CEP95: variants seen among roughly 807,000 people sequenced by gnomAD.
The protein encoded by CEP95 is centrosomal protein 95.
In CEP95, 98 loss-of-function variants were observed where a neutral mutation model predicts 111.2. The observed-to-expected ratio is 0.88, with a 90% CI of 0.75 to 1.04. The LOEUF (loss-of-function observed/expected upper bound fraction) is 1.04, where lower values mean the gene tolerates loss of function less well. CEP95 is among the 50% of genes least tolerant of loss of function. CEP95 has a pLI of 0.00. For synonymous variants in CEP95, 323 were observed against 327.1 expected (o/e 0.99, Z 0.14); for missense variants, 1,027 against 977.2 (o/e 1.05, Z -0.68).
intron 3 of CEP95, among the ~76,000 whole-genome samples, chr17:64,511,367 G>C (rs925106888): frequency 1.3e-5 from 2 of 152,168 alleles, no homozygotes; most frequent in Non-Finnish European, 2.9e-5. Flanking sequence ...GGCCACGCCC[G>C]GGGGACCGTC....
chr17:64,527,149 G>T lies in CEP95; in HGVS notation c.1191G>T (p.Lys397Asn), dbSNP rs200564391. The change falls in exon 11 of 20, where the codon AAG (lysine) becomes AAT (asparagine). Residue 397 changes from lysine (K) to asparagine (N), a missense_variant. Transcript: ENST00000556440. ...KSALGDRIKE[K>N]TDHKEENTGN... Reference sequence around the variant, plus strand: ...CTCTGGGTGATCGGATTAAAGAAAAGACTGACCATAAAGAAGAAAATACTG... The same window carrying T: ...CTCTGGGTGATCGGATTAAAGAAAATACTGACCATAAAGAAGAAAATACTG... 26 of 1,613,398 alleles carry T rather than the reference G, an allele frequency of 1.6e-5. No homozygotes were observed. Among genetic ancestry groups the T allele is most frequent in the Non-Finnish European group, 2.2e-5 (26 of 1,179,596 alleles).
rs782687267 is a variant in CEP95 at position 64,531,914 on chromosome 17, G to C, written c.1564G>C (p.Val522Leu). 6.3e-7 allele frequency: 1 copy of C among 1,598,978 alleles called. No individual in the cohort carries two copies. Among genetic ancestry groups the C allele is most frequent in the Non-Finnish European group, 8.5e-7 (1 of 1,174,142 alleles). The change falls in exon 14 of 20, where the codon GTT (valine) becomes CTT (leucine). Residue 522 changes from valine to leucine, a missense_variant. Transcript: ENST00000556440. ...GGAAAAAATATACAGAGGAGAAGCTGTTCGTAAAGGAACTCCAGAATGTAG... is the reference window on the plus strand; with the variant it reads ...GGAAAAAATATACAGAGGAGAAGCTCTTCGTAAAGGAACTCCAGAATGTAG... ...ETEKIYRGEA[V>L]RKGTPECSQP...
At chr17:64,526,981 A>T in intron 10 of CEP95, 130 bp from the exon 11 acceptor site, 1 of 637,424 alleles carries the variant, frequency 1.6e-6, no homozygotes, top group Non-Finnish European at 2.7e-6. Context: ...AAATAATTAA[A>T]CATGCATAAG....
In CEP95 at chr17:64,507,110, G is replaced by C. The variant is rs781935947; in HGVS notation, c.13G>C (p.Asp5His). 6.4e-7 allele frequency: 1 copy of C among 1,551,474 alleles called. No individual in the cohort carries two copies. Among genetic ancestry groups the C allele is most frequent in the Non-Finnish European group, 8.7e-7 (1 of 1,146,956 alleles). Residue 5 changes from aspartate to histidine, a missense_variant, in exon 1 of 20, where the codon GAT becomes CAT. Coordinates refer to ENST00000556440, the MANE Select transcript of CEP95 (RefSeq NM_138363.3). ...CTGCCTCTGAAACATGGCAGGCTCG[G>C]ATGCTGGTGAGTGTCTCCCTGGGGT... MAGSDAEWVTIANNL... is the reference protein window; with the variant it reads MAGSHAEWVTIANNL...
At position 64,510,089 on chromosome 17, in the gene CEP95, A is replaced by G. The variant is rs1014575366; in HGVS notation, c.149-84A>G. The G allele has an allele frequency of 4.1e-5, 30 of 736,512 alleles. No homozygotes were observed. The Middle Eastern group carries it at 1.8e-3, about 45-fold the overall frequency. The allele number at this position is 736,512 out of a possible 1,614,324, so 45.6% of individuals were successfully genotyped here. On this transcript the variant is annotated intron_variant, in intron 2 of 19. Transcript: ENST00000556440. ...GGCAGAGCCTTTATAGCAGTTGAGC[A>G]TATTCAGTAGCCTAGTCAGAGACAA...
Position 64,532,001 on chromosome 17 carries a change from A to G in CEP95, c.1651A>G (p.Lys551Glu), listed in dbSNP as rs1031227435. Residue 551 changes from lysine to glutamate, a missense_variant, in exon 14 of 20, where the codon AAG becomes GAG. By Grantham distance (56) the Lys-to-Glu change is moderately conservative. Coordinates refer to ENST00000556440, the MANE Select transcript of CEP95 (RefSeq NM_138363.3). Reference protein sequence around the residue: ...TTQSLRGGLPKPNKAVPMKVS... With the variant: ...TTQSLRGGLPEPNKAVPMKVS... ...GCAGAGTCTAAGAGGTGGCCTCCCA[A>G]AGCCAAATAAAGCAGTTCCAAGTAA... 41 of 1,583,590 alleles carry G rather than the reference A, an allele frequency of 2.6e-5. No homozygotes were observed. Among genetic ancestry groups the G allele is most frequent in the Non-Finnish European group, 3.4e-5 (40 of 1,172,002 alleles).
intron 5 of CEP95, among the ~76,000 whole-genome samples, chr17:64,518,026 G>T (rs1364565475): frequency 6.6e-6 from 1 of 151,968 alleles, no homozygotes; most frequent in Non-Finnish European, 1.5e-5. Flanking sequence ...ACAGGTGCAC[G>T]CCGCCACGGC....
chr17:64,510,242 C>G lies in CEP95; in HGVS notation c.218C>G (p.Ala73Gly). ...GTACAAGCAGTAATTGATTCACTGG[C>G]CTTGGACTACTTGCAGGTCAGCTTG... ...HNVQAVIDSL[A>G]LDYLQVSLSH... Residue 73 changes from alanine to glycine, a missense_variant, in exon 3 of 20, where the codon GCC becomes GGC. Coordinates refer to ENST00000556440, the MANE Select transcript of CEP95 (RefSeq NM_138363.3). 1 of 1,611,060 alleles carries G rather than the reference C, an allele frequency of 6.2e-7. No individual in the cohort carries two copies. The highest frequency in any genetic ancestry group is 1.3e-5 in the African/African-American group (1 of 74,960).
chr17:64,529,859 T>C (rs1968137683), intron 12 of CEP95, among the ~76,000 whole-genome samples: 1 of 152,220 alleles, frequency 6.6e-6, no homozygotes, highest in Admixed American at 6.5e-5. Context: ...GACTTTCCAC[T>C]GTGGAATGTG....
At chr17:64,537,334 A>G (rs976412220) in intron 19 of CEP95, 3 of 1,408,994 alleles carry the variant, frequency 2.1e-6, no homozygotes, top group Middle Eastern at 2.2e-4. Flanking sequence ...TAAGTGACAC[A>G]TGACTAATTT....
At chr17:64,526,037 C>G (rs782343363) in intron 9 of CEP95, 34 bp from the exon 10 acceptor site, 2 of 1,596,886 alleles carry the variant, frequency 1.3e-6, no homozygotes, top group South Asian at 2.3e-5. Context: ...AGACACCTAG[C>G]TATTTTACTG....
At chr17:64,519,040 T>C (rs1293802169) in intron 5 of CEP95, among the ~76,000 whole-genome samples, 3 of 152,128 alleles carry the variant, frequency 2.0e-5, no homozygotes, top group Non-Finnish European at 2.9e-5. Context: ...AGTGAAACAA[T>C]TGAAGGATAT....
intron 8 of CEP95, among the ~76,000 whole-genome samples, chr17:64,525,007 A>C (rs1436979748): frequency 6.6e-6 from 1 of 151,910 alleles, no homozygotes; most frequent in Non-Finnish European, 1.5e-5. Flanking sequence ...ATGTTTCTTC[A>C]TCACAAGAAG....
intron 14 of CEP95, chr17:64,532,588 G>A (rs923306029): frequency 6.6e-5 from 83 of 1,266,390 alleles, no homozygotes; most frequent in African/African-American, 1.6e-4. Context: ...GCACTGAAGC[G>A]GCTGAGCAAT....
chr17:64,533,051 G>A, intron 15 of CEP95, 43 bp downstream of exon 15: 1 of 1,604,386 alleles, frequency 6.2e-7, no homozygotes, highest in Non-Finnish European at 8.5e-7. Context: ...TAAATGAGAA[G>A]AGCTTATCCT....
intron 4 of CEP95, among the ~76,000 whole-genome samples, chr17:64,515,232 T>A (rs1259908096): frequency 6.6e-6 from 1 of 152,174 alleles, no homozygotes; most frequent in African/African-American, 2.4e-5. Flanking sequence ...CTCTCAAACC[T>A]GTACTTGAGT....
Position 64,523,031 on chromosome 17 carries a change from C to G in CEP95, c.909+136C>G, listed in dbSNP as rs1233150673. On this transcript the variant is annotated intron_variant, in intron 8 of 19. Coordinates refer to ENST00000556440, the MANE Select transcript of CEP95 (RefSeq NM_138363.3). ...TCTTTATTCTTTGTCAAGGAAGCCC[C>G]TATATTTAAAGAAGTCTGCTAGAAT... 8.6e-6 allele frequency: 6 copies of G among 699,262 alleles called. No homozygotes were observed. The East Asian group carries it at 1.1e-4, about 13-fold the overall frequency. The allele number at this position is 699,262 out of a possible 1,614,324, so 43.3% of individuals were successfully genotyped here.
rs1390097976 is a variant in CEP95 at position 64,537,857 on chromosome 17, C to G, written c.*78C>G. On this transcript the variant is annotated 3_prime_UTR_variant, in exon 20 of 20. Coordinates refer to ENST00000556440, the MANE Select transcript of CEP95 (RefSeq NM_138363.3). ...AGCTAGAATCGAGCCAGTAAACAGTCTAAGCCAGAAAAATAATTTTCAAAT... is the reference window on the plus strand; with the variant it reads ...AGCTAGAATCGAGCCAGTAAACAGTGTAAGCCAGAAAAATAATTTTCAAAT... 4.0e-6 allele frequency: 3 copies of G among 745,486 alleles called. No homozygotes were observed. The African/African-American group carries it at 5.4e-5, about 14-fold the overall frequency. The allele number at this position is 745,486 out of a possible 1,614,324, so 46.2% of individuals were successfully genotyped here. A position where few individuals can be genotyped will look rare whatever the true frequency, so the allele number is the denominator to read the frequency against.
Position 64,521,461 on chromosome 17 carries a change from T to C in CEP95, c.649T>C (p.Ser217Pro), listed in dbSNP as rs369893098. 1 of 1,612,660 alleles carries C rather than the reference T, an allele frequency of 6.2e-7. No homozygotes were observed. Among genetic ancestry groups the C allele is most frequent in the African/African-American group, 1.3e-5 (1 of 74,906 alleles). The stretch of plus-strand genomic sequence containing the variant: ...AGCCTTAGCCTCACCAAGTTCTAAA[T>C]CACATGAAGATATGTTGTACCCTCC... The part of the protein sequence containing the change: ...KKALASPSSK[S>P]HEDMLYPPSV... The change falls in exon 7 of 20, where the codon TCA (serine) becomes CCA (proline). Residue 217 changes from serine to proline, a missense_variant. Physicochemically the swap from Ser to Pro is moderately conservative, Grantham distance 74 (BLOSUM62 -1). Transcript: ENST00000556440.
Sources: allele counts gnomAD v4.1 joint callset (sites outside exome capture counted in the v4.1 genomes callset), GRCh38; gene constraint gnomAD v4.1.1; transcripts MANE v1.5; gene names NCBI Gene and HGNC (gene_info 2026-07-23, HGNC 2026-07-21).